Variants in ABR observed in about 807,000 individuals in gnomAD.
The protein encoded by ABR is active breakpoint cluster region-related protein.
ABR carries 35 observed loss-of-function variants against 107.2 expected under a neutral mutation model. That is an observed-to-expected ratio of 0.33 (90% confidence interval 0.25 to 0.43). ABR has a LOEUF of 0.43. ABR is among the 20% of genes least tolerant of loss of function. ABR has a pLI of 1.00. For synonymous variants in ABR, 498 were observed against 462.0 expected (o/e 1.08, Z -1.00); for missense variants, 815 against 1,115.2 (o/e 0.73, Z 3.83).
intron 1 of ABR, among the ~76,000 whole-genome samples, chr17:1,129,059 G>A (rs1013674730): frequency 8.5e-5 from 13 of 152,164 alleles, no homozygotes; most frequent in African/African-American, 2.4e-4. Context: ...TCCCCGCTTC[G>A]GTGCTTTTCC....
At chr17:1,056,946 G>C (rs149400690) in intron 13 of ABR, 52 bp downstream of exon 13, 2 of 1,322,216 alleles carry the variant, frequency 1.5e-6, no homozygotes, top group African/African-American at 1.4e-5. Context: ...AGCCGGCCAC[G>C]CTCTGAGGGC....
At chr17:1,019,639 A>T (rs2150803162) in intron 16 of ABR, among the ~76,000 whole-genome samples, 1 of 152,354 alleles carries the variant, frequency 6.6e-6, no homozygotes, top group East Asian at 1.9e-4. Flanking sequence ...CAGAGGAGGG[A>T]GGGAGAGGCA....
At chr17:1,136,247 G>C (rs940092842) in intron 1 of ABR, among the ~76,000 whole-genome samples, 1 of 151,026 alleles carries the variant, frequency 6.6e-6, no homozygotes, top group Non-Finnish European at 1.5e-5. Context: ...GTTGTTGTTT[G>C]AAATAGAGTC....
intron 1 of ABR, among the ~76,000 whole-genome samples, chr17:1,164,472 T>C (rs1445411808): frequency 6.8e-6 from 1 of 146,092 alleles, no homozygotes; most frequent in Non-Finnish European, 1.5e-5. Context: ...CCTGGCAAAG[T>C]GTCACACACA....
intron 22 of ABR, among the ~76,000 whole-genome samples, chr17:1,006,722 A>C: frequency 6.6e-6 from 1 of 151,788 alleles, no homozygotes; most frequent in African/African-American, 2.4e-5. Context: ...CTCTCCTCCT[A>C]AGGGGCTGGT....
chr17:1,087,486 G>C (rs1343417847), intron 4 of ABR, among the ~76,000 whole-genome samples: 1 of 152,126 alleles, frequency 6.6e-6, no homozygotes, highest in Admixed American at 6.6e-5. Flanking sequence ...GAGGCATTCA[G>C]GTCTCAGCTG....
chr17:1,112,177 A>G (rs1241418351), intron 2 of ABR, among the ~76,000 whole-genome samples: 6 of 152,080 alleles, frequency 3.9e-5, no homozygotes, highest in Non-Finnish European at 8.8e-5. Context: ...ATTCATTCAT[A>G]CCCAGAAAAG....
chr17:1,114,267 C>T (rs935938270), intron 2 of ABR, among the ~76,000 whole-genome samples: 2 of 145,196 alleles, frequency 1.4e-5, no homozygotes, highest in Non-Finnish European at 3.0e-5. Context: ...TTCAGGAGTT[C>T]GTGACCAGCC....
chr17:1,131,437 C>G (rs1395171300), intron 1 of ABR, among the ~76,000 whole-genome samples: 246 of 19,906 alleles, frequency 0.012, no homozygotes, highest in Non-Finnish European at 0.02. Context: ...GCCACGCGCA[C>G]AGCTCCCCCC....
At position 1,010,583 on chromosome 17, in the gene ABR, G is replaced by A. The variant is rs1465980288; in HGVS notation, c.2236+146C>T. On this transcript the variant is annotated intron_variant, in intron 20 of 22. Transcript: ENST00000302538. The surrounding 1 kb of genome is among the most constrained non-coding windows in gnomAD (Gnocchi z 4.1). Reference sequence around the variant, plus strand: ...TCCCAGCAGGCCACACCTCACCCTCGGACCCCTCAGCCACAGGCCCCAGTG... The same window carrying A: ...TCCCAGCAGGCCACACCTCACCCTCAGACCCCTCAGCCACAGGCCCCAGTG... 10 of 1,115,738 alleles carry A rather than the reference G, an allele frequency of 9.0e-6. No homozygotes were observed. The highest frequency in any genetic ancestry group is 3.1e-5 in the South Asian group (2 of 65,052). 69.1% of individuals were successfully genotyped at this position (1,115,738 alleles called of 1,614,324 possible).
intron 16 of ABR, among the ~76,000 whole-genome samples, chr17:1,038,739 GAGCCCA>G (rs2073389996): frequency 6.6e-6 from 1 of 152,256 alleles, no homozygotes; most frequent in Non-Finnish European, 1.5e-5. Flanking sequence ...GAGGCCAGCA[GAGCCCA>G]CCCTAAAGGT....
chr17:1,050,909 A>C lies in ABR; in HGVS notation c.1562-275T>G, dbSNP rs1597553680. 7.7e-6 allele frequency among the ~76,000 whole-genome samples: 1 copy of C among 130,214 alleles called. No homozygotes were observed. The highest frequency in any genetic ancestry group is 1.7e-5 in the Non-Finnish European group (1 of 59,610). 85.4% of individuals were successfully genotyped at this position (130,214 alleles called of 152,430 possible). The stretch of plus-strand genomic sequence containing the variant: ...TGCCCTTCCCACCTCGGCCCTCCCC[A>C]CACTCTGCCCTTCCCACCTCGGCCC... On this transcript the variant is annotated intron_variant, in intron 14 of 22. Coordinates refer to ENST00000302538, the MANE Select transcript of ABR (RefSeq NM_021962.5). This position sits in a 1 kb window ranked among gnomAD's most constrained non-coding sequence, Gnocchi z 4.6.
At chr17:1,098,578 A>G (rs971243898) in intron 3 of ABR, among the ~76,000 whole-genome samples, 1 of 152,144 alleles carries the variant, frequency 6.6e-6, no homozygotes, top group Admixed American at 6.5e-5. Context: ...CACTGTACTG[A>G]TTTCACAACC....
chr17:1,077,325 C>G (rs1030334347), intron 6 of ABR, among the ~76,000 whole-genome samples: 1 of 152,164 alleles, frequency 6.6e-6, no homozygotes, highest in South Asian at 2.1e-4. Flanking sequence ...TCACGGAGAC[C>G]GAAGCAACGT....
Position 1,157,400 on chromosome 17 carries a change from G to A in ABR, c.61+22267C>T, listed in dbSNP as rs1163007668. ...CAAATAGCTGGGATTACAGGTGTGC[G>A]CCACCACGCCCGGCTAATTTTTATA... On this transcript the variant is annotated intron_variant, in intron 1 of 22. Coordinates refer to ENST00000302538, the MANE Select transcript of ABR (RefSeq NM_021962.5). This position sits in a 1 kb window ranked among gnomAD's most constrained non-coding sequence, Gnocchi z 4.7. 5.3e-5 allele frequency among the ~76,000 whole-genome samples: 8 copies of A among 152,016 alleles called. No homozygotes were observed. The highest frequency in any genetic ancestry group is 7.3e-5 in the African/African-American group (3 of 41,378).
chr17:1,087,124 T>C lies in ABR; in HGVS notation c.532-3497A>G, dbSNP rs911730637. On this transcript the variant is annotated intron_variant, in intron 4 of 22. Transcript: ENST00000302538. ...ATTAGAAGGTTCTGCTGTTATTCTT[T>C]GGAGTTTCTGGTTTAAATGTTTTTC... is the stretch of plus-strand genomic sequence containing the variant. 3.3e-5 allele frequency among the ~76,000 whole-genome samples: 5 copies of C among 152,142 alleles called. No individual in the cohort carries two copies. In the East Asian group the frequency reaches 7.7e-4, roughly 23 times the overall value.
rs879782572 is a variant in ABR at position 1,005,469 on chromosome 17, G to A, written c.*611C>T. 50 of 275,104 alleles carry A rather than the reference G, an allele frequency of 1.8e-4. No homozygotes were observed. Among genetic ancestry groups the A allele is most frequent in the Admixed American group, 3.2e-4 (6 of 18,910 alleles). 17.0% of individuals were successfully genotyped at this position (275,104 alleles called of 1,614,324 possible). On this transcript the variant is annotated 3_prime_UTR_variant, in exon 23 of 23. Transcript: ENST00000302538. Reference sequence around the variant, plus strand: ...CAAAGGCGGAGTCTGAGGAGGGGCCGGCAGCGGCAAACGGCAGCATCAAAC... The same window carrying A: ...CAAAGGCGGAGTCTGAGGAGGGGCCAGCAGCGGCAAACGGCAGCATCAAAC...
Position 1,195,498 on chromosome 17 carries a change from G to A in ABR, c.838+33295C>T, listed in dbSNP as rs540382842. ...GCCTGACCCAGGCTCAGCAAGTAGC[G>A]TAAGGAGCATTTTAAAGAAAATTAT... On this transcript the variant is annotated intron_variant, in intron 1 of 22. Transcript: ENST00000574139. Among the ~76,000 whole-genome samples, 29 of 151,866 alleles carry A rather than the reference G, an allele frequency of 1.9e-4. No individual in the cohort carries two copies. In the East Asian group the frequency reaches 2.8e-3, roughly 15 times the overall value.
intron 2 of ABR, among the ~76,000 whole-genome samples, chr17:1,112,293 G>C (rs995123122): frequency 6.6e-6 from 1 of 152,234 alleles, no homozygotes; most frequent in Non-Finnish European, 1.5e-5. Flanking sequence ...CAGTGTTCTC[G>C]TTTACCAGCC....
Sources: gnomAD v4.1 joint callset for allele counts (sites outside exome capture counted in the v4.1 genomes callset) on GRCh38, gnomAD v4.1.1 for gene constraint, Gnocchi (gnomAD v3.1) non-coding constraint, MANE v1.5 for transcripts, NCBI Gene and HGNC (gene_info 2026-07-23, HGNC 2026-07-21) for gene names.